The following HECW1 variants were observed in gnomAD, a reference collection of about 807,000 sequenced individuals.
HECW1 encodes the protein HECT, C2 and WW domain containing E3 ubiquitin protein ligase 1.
In HECW1, 61 loss-of-function variants were observed where a neutral mutation model predicts 182.3. That is an observed-to-expected ratio of 0.33 (90% CI 0.27 to 0.41). The LOEUF (loss-of-function observed/expected upper bound fraction) is 0.41. HECW1 is among the 10% of genes least tolerant of loss of function. HECW1 has a pLI of 1.00. For synonymous variants in HECW1, 859 were observed against 832.6 expected, an observed-to-expected ratio of 1.03 and a Z score of -0.55; for missense variants, 1,739 against 2,108.9, an observed-to-expected ratio of 0.82 and a Z score of 3.44.
intron 2 of HECW1, among the ~76,000 whole-genome samples, chr7:43,190,354 C>T (rs907580331): frequency 2.6e-5 from 4 of 152,164 alleles, no homozygotes; most frequent in African/African-American, 4.8e-5. Flanking sequence ...CCTCATGATC[C>T]GCCCACCTTG....
chr7:43,144,793 C>G (rs1788523627), intron 2 of HECW1, among the ~76,000 whole-genome samples: 1 of 152,032 alleles, frequency 6.6e-6, no homozygotes, highest in Admixed American at 6.6e-5. Context: ...TCCAAGGTGC[C>G]CTATTTTCTT....
intron 16 of HECW1, among the ~76,000 whole-genome samples, chr7:43,474,540 C>T (rs2078149028): frequency 6.6e-6 from 1 of 151,926 alleles, no homozygotes; most frequent in Admixed American, 6.6e-5. Context: ...ATATAATAAT[C>T]ATGTACCTTA....
At chr7:43,336,056 CCT>C (rs1334044782) in intron 5 of HECW1, among the ~76,000 whole-genome samples, 23 of 128,698 alleles carry the variant, frequency 1.8e-4, no homozygotes, top group African/African-American at 5.9e-4. Flanking sequence ...TTCCTTCCTT[CCT>C]CTCTCTTTCT....
At chr7:43,516,746 G>A (rs1453813488) in intron 24 of HECW1, among the ~76,000 whole-genome samples, 1 of 152,200 alleles carries the variant, frequency 6.6e-6, no homozygotes, top group African/African-American at 2.4e-5. Context: ...ATCATTGCGT[G>A]AACATCATAG....
chr7:43,215,963 A>G (rs1366163863), intron 2 of HECW1, among the ~76,000 whole-genome samples: 2 of 152,142 alleles, frequency 1.3e-5, no homozygotes, highest in Admixed American at 6.5e-5. Flanking sequence ...AGACCACTGT[A>G]GTTTCTTCAA....
intron 6 of HECW1, among the ~76,000 whole-genome samples, chr7:43,366,979 A>C (rs895979310): frequency 6.6e-6 from 1 of 152,128 alleles, no homozygotes. Context: ...TTTTCTATTC[A>C]TTATGTTATG....
intron 24 of HECW1, among the ~76,000 whole-genome samples, chr7:43,519,524 G>T (rs545064960): frequency 6.6e-6 from 1 of 152,186 alleles, no homozygotes. Flanking sequence ...GATTACAGGC[G>T]TGAGCCACCG....
intron 6 of HECW1, among the ~76,000 whole-genome samples, chr7:43,361,541 G>A (rs1375173809): frequency 6.6e-6 from 1 of 152,114 alleles, no homozygotes; most frequent in Non-Finnish European, 1.5e-5. Context: ...CACAGAACTC[G>A]TTGCAGATCC....
intron 5 of HECW1, among the ~76,000 whole-genome samples, chr7:43,349,761 T>G (rs1814164773): frequency 6.6e-6 from 1 of 152,208 alleles, no homozygotes; most frequent in Non-Finnish European, 1.5e-5. Context: ...TAGTTGAGTC[T>G]CCTGAAGGCA....
intron 3 of HECW1, among the ~76,000 whole-genome samples, chr7:43,261,494 T>A (rs957338914): frequency 6.6e-6 from 1 of 152,174 alleles, no homozygotes; most frequent in Non-Finnish European, 1.5e-5. Flanking sequence ...GCAAGGCAGT[T>A]TAAACCCTTG....
intron 3 of HECW1, among the ~76,000 whole-genome samples, chr7:43,310,362 A>G (rs1396440036): frequency 2.0e-5 from 3 of 152,224 alleles, no homozygotes; most frequent in African/African-American, 7.2e-5. Context: ...TCCAGGCAAC[A>G]CCATGGTCCA....
intron 6 of HECW1, among the ~76,000 whole-genome samples, chr7:43,364,051 A>G (rs1816305818): frequency 6.6e-6 from 1 of 152,102 alleles, no homozygotes; most frequent in African/African-American, 2.4e-5. Context: ...TAGGTTGAGG[A>G]TTGCTGCTGC....
rs199580832 is a variant in HECW1 at position 43,480,681 on chromosome 7, ACG to A, written c.3234+939_3234+940del. 7.7e-3 allele frequency among the ~76,000 whole-genome samples: 1,030 copies of A among 134,114 alleles called. 6 individuals are homozygous for A. Among genetic ancestry groups the A allele is most frequent in the Non-Finnish European group, 0.013 (759 of 58,034 alleles). 88.0% of individuals were successfully genotyped at this position (134,114 alleles called of 152,430 possible). On this transcript the variant is annotated intron_variant, in intron 17 of 29. Transcript: ENST00000395891. Reference sequence around the variant, plus strand: ...TGTATATATATACACACACATATATACGCATATATATATATACACACACACAC... The same window carrying A: ...TGTATATATATACACACACATATATACATATATATATATACACACACACAC...
At chr7:43,161,157 A>G (rs1387037109) in intron 2 of HECW1, among the ~76,000 whole-genome samples, 1 of 152,122 alleles carries the variant, frequency 6.6e-6, no homozygotes, top group Non-Finnish European at 1.5e-5. Flanking sequence ...GAAGGATGAC[A>G]AAAGAATCTG....
At chr7:43,129,999 A>T (rs889830238) in intron 2 of HECW1, among the ~76,000 whole-genome samples, 1 of 152,238 alleles carries the variant, frequency 6.6e-6, no homozygotes, top group African/African-American at 2.4e-5. Context: ...TTCAATCTGC[A>T]GTTGGTTGAA....
chr7:43,266,118 C>G (rs535095939), intron 3 of HECW1, among the ~76,000 whole-genome samples: 2 of 152,132 alleles, frequency 1.3e-5, no homozygotes, highest in Non-Finnish European at 2.9e-5. Context: ...GGATCAGTCT[C>G]TACCCCTTCC....
chr7:43,501,197 T>C lies in HECW1; in HGVS notation c.3522-16T>C. ...TTCTTTTCTTTCTTTTTTTTTTTTT[T>C]TTTTTTCATATGCAGTCTCTTTGAA... On this transcript the variant is annotated splice_polypyrimidine_tract_variant and intron_variant, in intron 20 of 29. Transcript: ENST00000395891. 1 of 1,191,268 alleles carries C rather than the reference T, an allele frequency of 8.4e-7. No individual in the cohort carries two copies. Among genetic ancestry groups the C allele is most frequent in the Admixed American group, 2.4e-5 (1 of 41,414 alleles). 73.8% of individuals were successfully genotyped at this position (1,191,268 alleles called of 1,614,324 possible). A position where few individuals can be genotyped will look rare whatever the true frequency, so the allele number is the denominator to read the frequency against.
chr7:43,411,770 T>C (rs2075811931), intron 8 of HECW1, among the ~76,000 whole-genome samples: 1 of 152,190 alleles, frequency 6.6e-6, no homozygotes, highest in South Asian at 2.1e-4. Context: ...ATCACACTAA[T>C]ATAGCCACTC....
chr7:43,488,323 AGAGGAAG>A (rs2078731900), intron 17 of HECW1, among the ~76,000 whole-genome samples: 1 of 122,514 alleles, frequency 8.2e-6, no homozygotes, highest in African/African-American at 3.3e-5. Context: ...AAAGAAAGAA[AGAGGAAG>A]GAAGGAAGGA....
Sources: gnomAD v4.1 joint callset for allele counts (sites outside exome capture counted in the v4.1 genomes callset) on GRCh38, gnomAD v4.1.1 for gene constraint, MANE v1.5 for transcripts, NCBI Gene and HGNC (gene_info 2026-07-23, HGNC 2026-07-21) for gene names.